Variants in IKZF2 observed in about 807,000 individuals in gnomAD.
IKZF2 encodes the protein IKAROS family zinc finger 2, also known as zinc finger protein Helios.
IKZF2 carries 15 observed loss-of-function variants against 49.2 expected under a neutral mutation model. The ratio of observed to expected loss-of-function variants is 0.30; its 90% confidence interval spans 0.20 to 0.47. The LOEUF (loss-of-function observed/expected upper bound fraction) is 0.47. IKZF2 is among the 20% of genes least tolerant of loss of function. IKZF2 has a pLI of 1.00. For synonymous variants in IKZF2, 227 were observed against 221.4 expected (o/e 1.03, Z -0.23); for missense variants, 567 against 664.6 (o/e 0.85, Z 1.61).
chr2:213,101,811 CAA>C (rs1312671172), intron 4 of IKZF2, among the ~76,000 whole-genome samples: 2 of 152,118 alleles, frequency 1.3e-5, no homozygotes, highest in Middle Eastern at 6.3e-3. Context: ...CTGTGGCAAT[CAA>C]ATCAGTAGCA....
At chr2:213,102,264 G>GT (rs1210023979) in intron 4 of IKZF2, among the ~76,000 whole-genome samples, 6 of 152,286 alleles carry the variant, frequency 3.9e-5, no homozygotes, top group Admixed American at 2.6e-4. Flanking sequence ...GCGTGGTGCT[G>GT]TTGGCAGTTG....
chr2:213,033,001 T>C (rs994523291), intron 6 of IKZF2, among the ~76,000 whole-genome samples: 2 of 152,238 alleles, frequency 1.3e-5, no homozygotes, highest in African/African-American at 4.8e-5. Context: ...GATTCAACTC[T>C]CTCAAACTCT....
At chr2:213,117,919 T>C (rs894001571) in intron 4 of IKZF2, among the ~76,000 whole-genome samples, 3 of 152,222 alleles carry the variant, frequency 2.0e-5, no homozygotes, top group Non-Finnish European at 4.4e-5. Flanking sequence ...ACCCCTTCAT[T>C]TTATTTTTAA....
At chr2:213,098,287 C>T (rs769025223) in intron 4 of IKZF2, among the ~76,000 whole-genome samples, 2 of 152,026 alleles carry the variant, frequency 1.3e-5, no homozygotes. Flanking sequence ...TAGAGCAACT[C>T]GCAAAATGAG....
intron 5 of IKZF2, among the ~76,000 whole-genome samples, chr2:213,054,019 A>C (rs1167315261): frequency 6.6e-6 from 1 of 152,090 alleles, no homozygotes; most frequent in Non-Finnish European, 1.5e-5. Flanking sequence ...TTGAGAGGCT[A>C]GGGTGGGTGG....
chr2:213,088,481 T>C (rs1704922948), intron 4 of IKZF2, among the ~76,000 whole-genome samples: 1 of 152,168 alleles, frequency 6.6e-6, no homozygotes, highest in Admixed American at 6.5e-5. Context: ...TTTCCTGGCC[T>C]GGCACAGTGG....
At position 213,057,065 on chromosome 2, in the gene IKZF2, T is replaced by C. The variant is rs767256615; in HGVS notation, c.174A>G (p.Glu58=). The C allele has an allele frequency of 2.5e-6, 4 of 1,613,600 alleles. No homozygotes were observed. The highest frequency in any genetic ancestry group is 4.5e-5 in the East Asian group (2 of 44,874). Residue 58 remains glutamate, a synonymous_variant, in exon 5 of 9, where the codon GAA becomes GAG. Transcript: ENST00000434687. ...GGCTCAGGGGTTTCCTGTCACACTCTTCATCACTCTGCATTTCTAGCTTTA... is the reference window on the plus strand; with the variant it reads ...GGCTCAGGGGTTTCCTGTCACACTCCTCATCACTCTGCATTTCTAGCTTTA... ...NSVKLEMQSD[E]ECDRKPLSRE...
chr2:213,052,920 T>C (rs529656156), intron 5 of IKZF2, among the ~76,000 whole-genome samples: 9 of 152,130 alleles, frequency 5.9e-5, no homozygotes, highest in South Asian at 2.1e-4. Context: ...AAATGGTACA[T>C]ATGCAAAAAC....
intron 6 of IKZF2, among the ~76,000 whole-genome samples, 168 bp from the exon 7 acceptor site, chr2:213,022,298 C>T (rs148414710): frequency 6.6e-6 from 1 of 152,198 alleles, no homozygotes; most frequent in African/African-American, 2.4e-5. Context: ...ACATTTCTAC[C>T]AAGACAAAGA....
At chr2:213,086,875 C>T (rs554034199) in intron 4 of IKZF2, among the ~76,000 whole-genome samples, 6 of 152,186 alleles carry the variant, frequency 3.9e-5, no homozygotes, top group Admixed American at 1.3e-4. Context: ...TGGAATCTAA[C>T]GTTATACTGG....
intron 4 of IKZF2, among the ~76,000 whole-genome samples, chr2:213,085,686 A>G (rs1462023579): frequency 6.6e-6 from 1 of 152,208 alleles, no homozygotes; most frequent in African/African-American, 2.4e-5. Flanking sequence ...AACCCATAAC[A>G]TAATCTGTAG....
intron 4 of IKZF2, among the ~76,000 whole-genome samples, chr2:213,092,577 C>T (rs569623801): frequency 6.6e-6 from 1 of 152,224 alleles, no homozygotes; most frequent in East Asian, 1.9e-4. Context: ...TCCCACCGCC[C>T]TGTTCGAGCC....
chr2:213,058,886 T>G (rs1006096617), intron 4 of IKZF2, among the ~76,000 whole-genome samples: 3 of 151,888 alleles, frequency 2.0e-5, no homozygotes, highest in Admixed American at 1.3e-4. Flanking sequence ...GCTCACTATC[T>G]TTCAGGCCCT....
At chr2:213,142,034 T>A (rs2060893513) in intron 4 of IKZF2, among the ~76,000 whole-genome samples, 1 of 152,028 alleles carries the variant, frequency 6.6e-6, no homozygotes, top group Non-Finnish European at 1.5e-5. Context: ...ACCAGAAGCA[T>A]CAAATGAGGT....
In IKZF2 at chr2:213,021,944, A is replaced by G. The variant is rs370401181; in HGVS notation, c.712+49T>C. 8.3e-6 allele frequency: 12 copies of G among 1,444,156 alleles called. No homozygotes were observed. The African/African-American group carries it at 1.0e-4, about 12-fold the overall frequency. The allele number at this position is 1,444,156 out of a possible 1,614,324, so 89.5% of individuals were successfully genotyped here. A position where few individuals can be genotyped will look rare whatever the true frequency, so the allele number is the denominator to read the frequency against. ...TAAGATTTTATCTTCATGTTGAACTACAAAAGCAGTAGGGGGAAATAAAAA... is the reference window on the plus strand; with the variant it reads ...TAAGATTTTATCTTCATGTTGAACTGCAAAAGCAGTAGGGGGAAATAAAAA... On this transcript the variant is annotated intron_variant, in intron 7 of 8. Transcript: ENST00000434687.
At chr2:213,071,852 CTTTTTTCACTATGA>C (rs774470420) in intron 4 of IKZF2, among the ~76,000 whole-genome samples, 4 of 152,026 alleles carry the variant, frequency 2.6e-5, no homozygotes, top group South Asian at 2.1e-4. Context: ...ATATAATTGT[CTTTTTTCACTATGA>C]ACTTAGCCCT....
At position 213,003,350 on chromosome 2, in the gene IKZF2, C is replaced by T. The variant is rs1427530906; in HGVS notation, c.*4010G>A. The T allele has an allele frequency of 6.6e-6, 1 of 151,866 alleles. No homozygotes were observed. Among genetic ancestry groups the T allele is most frequent in the Non-Finnish European group, 1.5e-5 (1 of 67,630 alleles). The allele number at this position is 151,866 out of a possible 1,614,324, so 9.4% of individuals were successfully genotyped here. The stretch of plus-strand genomic sequence containing the variant: ...ACACAAACTTCAATTTCACCTCTTC[C>T]CACTTTTTTTTTCTTTTGGATTTGG... On this transcript the variant is annotated 3_prime_UTR_variant, in exon 9 of 9. Coordinates refer to ENST00000434687, the MANE Select transcript of IKZF2 (RefSeq NM_001387220.1).
At chr2:213,152,250 C>T (rs1231093194), upstream of IKZF2, 1 of 152,264 alleles carries the variant, frequency 6.6e-6, no homozygotes, top group African/African-American at 2.4e-5. Flanking sequence ...TCTTGGCGCC[C>T]TGCGCGGAGT....
intron 4 of IKZF2, among the ~76,000 whole-genome samples, chr2:213,120,950 CA>C (rs545256466): frequency 1.9e-3 from 295 of 152,210 alleles, no homozygotes; most frequent in Admixed American, 3.5e-3. Context: ...CCATGTTGCC[CA>C]AGCTGCTGTA....
Sources: gnomAD v4.1 joint callset for allele counts (sites outside exome capture counted in the v4.1 genomes callset) on GRCh38, gnomAD v4.1.1 for gene constraint, MANE v1.5 for transcripts, NCBI Gene and HGNC (gene_info 2026-07-23, HGNC 2026-07-21) for gene names.